The following ZNF431 variants were observed in gnomAD, a reference collection of about 807,000 sequenced individuals.
ZNF431 encodes zinc finger protein 431.
ZNF431 carries 34 observed loss-of-function variants against 57.0 expected under a neutral mutation model. That is an observed-to-expected ratio of 0.60 (90% CI 0.45 to 0.79). ZNF431 has a LOEUF of 0.79. ZNF431 is among the 30% of genes least tolerant of loss of function. The pLI, the probability that ZNF431 is intolerant of heterozygous loss-of-function variation, is 0.00. For synonymous variants in ZNF431, 207 were observed against 220.3 expected (o/e 0.94, Z 0.54); for missense variants, 607 against 667.1 (o/e 0.91, Z 0.99).
intron 2 of ZNF431, chr19:21,162,773 CTG>C: frequency 3.0e-6 from 3 of 985,064 alleles, no homozygotes; most frequent in African/African-American, 3.5e-5. Flanking sequence ...GAAAAATAAA[CTG>C]TATATTTTGG....
At position 21,166,489 on chromosome 19, in the gene ZNF431, TA is replaced by T. The variant is rs1341484298; in HGVS notation, c.223+30del. On this transcript the variant is annotated intron_variant, in intron 3 of 4. Transcript: ENST00000311048. ...GAGAATAACTTTCATACACAATTCTTAATATGCCCTAAATGTTTCATGTCTC... is the reference window on the plus strand; with the variant it reads ...GAGAATAACTTTCATACACAATTCTTATATGCCCTAAATGTTTCATGTCTC... 3.2e-6 allele frequency: 5 copies of T among 1,579,408 alleles called. No individual in the cohort carries two copies. The East Asian group carries it at 1.1e-4, about 36-fold the overall frequency.
intron 2 of ZNF431, among the ~76,000 whole-genome samples, chr19:21,165,194 A>G (rs1283531703): frequency 1.3e-5 from 2 of 152,184 alleles, no homozygotes; most frequent in African/African-American, 4.8e-5. Flanking sequence ...ATGATCTGCC[A>G]TATTAAAAGT....
chr19:21,166,415 A>G lies in ZNF431; in HGVS notation c.177A>G (p.Leu59=), dbSNP rs552659134. The G allele has an allele frequency of 3.1e-6, 5 of 1,611,096 alleles. No homozygotes were observed. In the South Asian group the frequency reaches 3.3e-5, roughly 11 times the overall value. ...WECLNPAQQN[L]YMNVMLENYK... ...GCCTGAACCCTGCTCAGCAGAATTT[A>G]TATATGAATGTGATGTTAGAAAACT... Residue 59 remains leucine, a synonymous_variant, in exon 3 of 5, where the codon TTA becomes TTG. Coordinates refer to ENST00000311048, the MANE Select transcript of ZNF431 (RefSeq NM_133473.4).
chr19:21,157,420 T>C (rs556266664), intron 2 of ZNF431, among the ~76,000 whole-genome samples: 1 of 151,558 alleles, frequency 6.6e-6, no homozygotes, highest in East Asian at 1.9e-4. Context: ...CATTGTGGTC[T>C]TTTTTTGCTT....
chr19:21,183,437 C>G lies in ZNF431; in HGVS notation c.1134C>G (p.Gly378=). ...GEKSYKCEEC[G]KGFNWSSTLT... ...AATCTTACAAATGTGAAGAATGTGG[C>G]AAAGGCTTTAATTGGTCCTCAACCC... Residue 378 remains glycine, a synonymous_variant, in exon 5 of 5, where the codon GGC becomes GGG. Coordinates refer to ENST00000311048, the MANE Select transcript of ZNF431 (RefSeq NM_133473.4). The G allele has an allele frequency of 6.2e-7, 1 of 1,613,590 alleles. No individual in the cohort carries two copies. Among genetic ancestry groups the G allele is most frequent in the Non-Finnish European group, 8.5e-7 (1 of 1,179,792 alleles).
At position 21,154,468 on chromosome 19, in the gene ZNF431, T is replaced by G. The variant is rs555204517; in HGVS notation, c.96+10825T>G. 1.4e-4 allele frequency among the ~76,000 whole-genome samples: 22 copies of G among 152,230 alleles called. 1 individual carries two copies. The highest frequency in any genetic ancestry group is 2.0e-4 in the Admixed American group (3 of 15,276). The stretch of plus-strand genomic sequence containing the variant: ...AAGTCTTTGCTATTGTGAATAGTGC[T>G]GCAATAAACATATGTGTGCATGTGT... On this transcript the variant is annotated intron_variant, in intron 2 of 4. Coordinates refer to ENST00000311048, the MANE Select transcript of ZNF431 (RefSeq NM_133473.4).
chr19:21,170,662 T>TTTC (rs1970861888), intron 4 of ZNF431, among the ~76,000 whole-genome samples: 1 of 151,698 alleles, frequency 6.6e-6, no homozygotes, highest in African/African-American at 2.4e-5. Flanking sequence ...TTTTCTTTTT[T>TTTC]TTTTCTTTTC....
At position 21,182,663 on chromosome 19, in the gene ZNF431, A is replaced by C; in HGVS notation, c.360A>C (p.Gln120His). ...SYFTKDLWPEQDIKDSFQQVI... is the reference protein window; with the variant it reads ...SYFTKDLWPEHDIKDSFQQVI... ...TTACCAAAGACCTTTGGCCAGAGCA[A>C]GACATAAAAGATTCTTTTCAACAAG... is the stretch of plus-strand genomic sequence containing the variant. Residue 120 changes from glutamine (Q) to histidine (H), a missense_variant, in exon 5 of 5, where the codon CAA becomes CAC. Physicochemically the swap from Gln to His is conservative, Grantham distance 24. Transcript: ENST00000311048. 1 of 1,611,998 alleles carries C rather than the reference A, an allele frequency of 6.2e-7. No individual in the cohort carries two copies. The highest frequency in any genetic ancestry group is 8.5e-7 in the Non-Finnish European group (1 of 1,179,398).
At chr19:21,176,914 C>T (rs1971069994) in intron 4 of ZNF431, among the ~76,000 whole-genome samples, 1 of 152,072 alleles carries the variant, frequency 6.6e-6, no homozygotes, top group Non-Finnish European at 1.5e-5. Flanking sequence ...CCAGGCTGGT[C>T]TTGAACTCCT....
intron 2 of ZNF431, among the ~76,000 whole-genome samples, chr19:21,151,917 C>T (rs572425054): frequency 1.3e-5 from 2 of 152,396 alleles, no homozygotes; most frequent in Admixed American, 6.5e-5. Flanking sequence ...CTAGAAGTCT[C>T]GTCAGAAATT....
chr19:21,164,231 TAC>T (rs1970656003), intron 2 of ZNF431, among the ~76,000 whole-genome samples: 1 of 152,098 alleles, frequency 6.6e-6, no homozygotes, highest in Non-Finnish European at 1.5e-5. Context: ...GGCTTCAAAA[TAC>T]ATTCATGAGA....
At chr19:21,143,430 T>G in intron 1 of ZNF431, 121 bp from the exon 2 acceptor site, 1 of 750,592 alleles carries the variant, frequency 1.3e-6, no homozygotes, top group South Asian at 1.6e-5. Context: ...CTCAGCCACC[T>G]TTTAGTTTTT....
chr19:21,156,648 G>A (rs1970424371), intron 2 of ZNF431, among the ~76,000 whole-genome samples: 1 of 149,092 alleles, frequency 6.7e-6, no homozygotes, highest in Non-Finnish European at 1.5e-5. Context: ...GCTTTCTAAG[G>A]ATAATGGTCT....
chr19:21,166,190 G>A, intron 2 of ZNF431, 145 bp from the exon 3 acceptor site: 1 of 1,299,052 alleles, frequency 7.7e-7, no homozygotes, highest in Non-Finnish European at 1.0e-6. Context: ...ATATTTCTGT[G>A]TTAAAAATTA....
intron 3 of ZNF431, among the ~76,000 whole-genome samples, chr19:21,167,188 G>A (rs902797018): frequency 6.7e-6 from 1 of 149,806 alleles, no homozygotes; most frequent in African/African-American, 2.5e-5. Context: ...TGAGATGGAA[G>A]TTTGCTCTTG....
chr19:21,165,092 CAA>C (rs58552017), intron 2 of ZNF431, among the ~76,000 whole-genome samples: 682 of 132,818 alleles, frequency 5.1e-3, no homozygotes, highest in Middle Eastern at 0.011. Flanking sequence ...CTGGGCAACT[CAA>C]AAAAAAAAAA....
chr19:21,150,079 A>G, intron 2 of ZNF431: 1 of 638,100 alleles, frequency 1.6e-6, no homozygotes, highest in Non-Finnish European at 3.0e-6. Context: ...CTTTGTCAGC[A>G]GCTTTCTTCT....
intron 1 of ZNF431, 57 bp from the exon 2 acceptor site, chr19:21,143,494 G>A (rs1048750467): frequency 8.7e-6 from 12 of 1,378,354 alleles, no homozygotes; most frequent in Non-Finnish European, 1.1e-5. Flanking sequence ...ATCCACCGTG[G>A]TTATGTCAGC....
intron 2 of ZNF431, among the ~76,000 whole-genome samples, chr19:21,160,814 A>C (rs1970547718): frequency 6.6e-6 from 1 of 152,194 alleles, no homozygotes; most frequent in Non-Finnish European, 1.5e-5. Flanking sequence ...ACTTAGGTGA[A>C]AGACAAAGAG....
Sources: gnomAD v4.1 joint callset for allele counts (sites outside exome capture counted in the v4.1 genomes callset) on GRCh38, gnomAD v4.1.1 for gene constraint, MANE v1.5 for transcripts, NCBI Gene and HGNC (gene_info 2026-07-23, HGNC 2026-07-21) for gene names.